Variants in ADGRA3 observed in about 807,000 individuals in gnomAD.
ADGRA3 encodes adhesion G protein-coupled receptor A3, also known as G-protein coupled receptor 125.
A neutral mutation model predicts 119.8 loss-of-function variants in ADGRA3; 56 were observed. The ratio of observed to expected loss-of-function variants is 0.47; its 90% CI spans 0.38 to 0.58. The LOEUF is 0.58. Ranked by LOEUF, ADGRA3 falls within the 20% of genes least tolerant of loss-of-function variation. The pLI, the probability that ADGRA3 is intolerant of heterozygous loss-of-function variation, is 0.00. For missense variants in ADGRA3, 1,516 were observed against 1,649.0 expected (o/e 0.92, Z 1.40); for synonymous variants, 607 against 623.8 (o/e 0.97, Z 0.40).
At chr4:22,417,296 A>C (rs1715465208) in intron 12 of ADGRA3, among the ~76,000 whole-genome samples, 1 of 152,180 alleles carries the variant, frequency 6.6e-6, no homozygotes, top group African/African-American at 2.4e-5. Flanking sequence ...GCTTGGAACT[A>C]TGCAGAGCCT....
At position 22,413,654 on chromosome 4, in the gene ADGRA3, GC is replaced by G; in HGVS notation, c.1969del (p.Ala657LeufsTer13). 6.2e-7 allele frequency: 1 copy of G among 1,613,946 alleles called. No individual in the cohort carries two copies. The highest frequency in any genetic ancestry group is 2.2e-5 in the East Asian group (1 of 44,854). On this transcript the variant is annotated frameshift_variant, in exon 13 of 19. Transcript: ENST00000334304. LOFTEE classifies it high-confidence loss of function. ...CACAGTACGTCGTTTTCCATCATCAGCCAAATTTGTTGAATTTCCAGTGGCT... is the reference window on the plus strand; with the variant it reads ...CACAGTACGTCGTTTTCCATCATCAGCAAATTTGTTGAATTTCCAGTGGCT... Reference protein sequence around the residue: ...FPATGNSTNLADDGKRRTVVT... With the variant: ...FPATGNSTNLXDDGKRRTVVT...
At chr4:22,462,507 G>A (rs973965900) in intron 2 of ADGRA3, among the ~76,000 whole-genome samples, 1 of 152,098 alleles carries the variant, frequency 6.6e-6, no homozygotes, top group African/African-American at 2.4e-5. Flanking sequence ...TAGAGACAGG[G>A]TTTTGCCATG....
chr4:22,425,072 TA>T (rs756972669), intron 10 of ADGRA3, among the ~76,000 whole-genome samples: 557 of 128,806 alleles, frequency 4.3e-3, no homozygotes, highest in Middle Eastern at 8.2e-3. Context: ...GAGACACTCT[TA>T]AAAAAAAAAA....
At chr4:22,390,425 ATACGTATTATATATATATAT>A (rs1367368645) in intron 17 of ADGRA3, among the ~76,000 whole-genome samples, 2 of 6,538 alleles carry the variant, frequency 3.1e-4, no homozygotes, top group African/African-American at 1.1e-3. Flanking sequence ...TATATATATA[ATACGTATTATATATATATAT>A]AAAATACGTA....
intron 3 of ADGRA3, among the ~76,000 whole-genome samples, chr4:22,455,369 T>C (rs1409360187): frequency 6.6e-6 from 1 of 152,160 alleles, no homozygotes; most frequent in Non-Finnish European, 1.5e-5. Context: ...AATATTACAA[T>C]GATGGAACTT....
At chr4:22,439,373 TATTA>T (rs1400313469) in intron 7 of ADGRA3, among the ~76,000 whole-genome samples, 1 of 152,206 alleles carries the variant, frequency 6.6e-6, no homozygotes, top group African/African-American at 2.4e-5. Context: ...ATATAAAACC[TATTA>T]ATTAAGGAGC....
At chr4:22,392,429 T>C (rs922272458) in intron 17 of ADGRA3, 116 bp downstream of exon 17, 99 of 1,215,694 alleles carry the variant, frequency 8.1e-5, no homozygotes, top group Non-Finnish European at 1.1e-4. Flanking sequence ...CAGGCAGTCC[T>C]GCATACAAGT....
At chr4:22,492,473 G>C (rs1266877588) in intron 1 of ADGRA3, among the ~76,000 whole-genome samples, 1 of 152,184 alleles carries the variant, frequency 6.6e-6, no homozygotes, top group East Asian at 1.9e-4. Context: ...TTGAATGCTT[G>C]ATAGCATTCA....
chr4:22,514,227 T>C (rs1719558767), intron 1 of ADGRA3, among the ~76,000 whole-genome samples: 1 of 150,086 alleles, frequency 6.7e-6, no homozygotes, highest in African/African-American at 2.5e-5. Context: ...TAAAGTCCCA[T>C]ACCGAAAATT....
At chr4:22,401,638 T>C in intron 15 of ADGRA3, 84 bp from the exon 16 acceptor site, 1 of 1,028,988 alleles carries the variant, frequency 9.7e-7, no homozygotes, top group Non-Finnish European at 1.4e-6. Context: ...TCCAACTTCA[T>C]CAAAGGTAAA....
At chr4:22,439,476 TAGAC>T (rs915865799) in intron 7 of ADGRA3, among the ~76,000 whole-genome samples, 1 of 152,164 alleles carries the variant, frequency 6.6e-6, no homozygotes, top group African/African-American at 2.4e-5. Context: ...AAGAAATAAT[TAGAC>T]AGAAAGTATG....
At chr4:22,470,171 T>A (rs77330722) in intron 2 of ADGRA3, among the ~76,000 whole-genome samples, 2 of 152,058 alleles carry the variant, frequency 1.3e-5, no homozygotes, top group African/African-American at 4.8e-5. Context: ...ACAATACATA[T>A]GCATCAGTTA....
At position 22,478,699 on chromosome 4, in the gene ADGRA3, G is replaced by A. The variant is rs56346542; in HGVS notation, c.258-4856C>T. 1.4e-3 allele frequency among the ~76,000 whole-genome samples: 210 copies of A among 152,296 alleles called. 1 individual carries two copies. Among genetic ancestry groups the A allele is most frequent in the African/African-American group, 4.2e-3 (173 of 41,556 alleles). On this transcript the variant is annotated intron_variant, in intron 1 of 18. Transcript: ENST00000334304. Reference sequence around the variant, plus strand: ...AAGGTTCTAGAGAGGAGAGCATCCTGAGTTAGGGTAGGCCCTAAATCCAAT... The same window carrying A: ...AAGGTTCTAGAGAGGAGAGCATCCTAAGTTAGGGTAGGCCCTAAATCCAAT...
At chr4:22,443,675 A>G (rs910474011) in intron 6 of ADGRA3, among the ~76,000 whole-genome samples, 4 of 152,178 alleles carry the variant, frequency 2.6e-5, no homozygotes. Context: ...GAGAAAATAC[A>G]TTTACATTAA....
intron 1 of ADGRA3, among the ~76,000 whole-genome samples, chr4:22,481,978 A>T (rs1386343787): frequency 6.6e-6 from 1 of 152,230 alleles, no homozygotes; most frequent in Admixed American, 6.5e-5. Context: ...ATTTAATCCC[A>T]CATGGCATCA....
chr4:22,400,044 C>T (rs1714544810), intron 16 of ADGRA3, among the ~76,000 whole-genome samples: 2 of 152,168 alleles, frequency 1.3e-5, no homozygotes, highest in Admixed American at 6.5e-5. Flanking sequence ...GTAAATGCTA[C>T]CTTCTCATTA....
intron 1 of ADGRA3, among the ~76,000 whole-genome samples, chr4:22,480,150 C>A (rs970562028): frequency 2.6e-5 from 4 of 152,110 alleles, no homozygotes; most frequent in African/African-American, 7.2e-5. Context: ...ATTTAAAAAT[C>A]TTTTGCCAAA....
intron 16 of ADGRA3, among the ~76,000 whole-genome samples, chr4:22,400,659 G>A (rs1463148576): frequency 6.6e-6 from 1 of 151,716 alleles, no homozygotes; most frequent in Non-Finnish European, 1.5e-5. Flanking sequence ...ACTGTACAGT[G>A]AACAATTTGT....
At chr4:22,415,607 T>C (rs1344998479) in intron 12 of ADGRA3, among the ~76,000 whole-genome samples, 4 of 152,120 alleles carry the variant, frequency 2.6e-5, no homozygotes, top group Non-Finnish European at 4.4e-5. Context: ...ATAATGCACA[T>C]TTATTAAAAC....
Sources: allele counts gnomAD v4.1 joint callset (sites outside exome capture counted in the v4.1 genomes callset), GRCh38; gene constraint gnomAD v4.1.1; transcripts MANE v1.5; gene names NCBI Gene and HGNC (gene_info 2026-07-23, HGNC 2026-07-21).